Variants in TP63 observed in about 807,000 individuals in gnomAD.
TP63 encodes tumor protein p63.
TP63 carries 17 observed loss-of-function variants against 82.8 expected under a neutral mutation model. The ratio of observed to expected loss-of-function variants is 0.21; its 90% CI spans 0.14 to 0.31. TP63 has a LOEUF of 0.31. Among genes scored for constraint, TP63 ranks in the 10% least tolerant of loss-of-function variants. TP63 has a pLI of 1.00. For missense variants in TP63, 648 were observed against 895.3 expected (o/e 0.72, Z 3.52); for synonymous variants, 330 against 321.7 (o/e 1.03, Z -0.28).
chr3:189,811,005 A>C (rs1422027309), intron 4 of TP63, among the ~76,000 whole-genome samples: 1 of 152,230 alleles, frequency 6.6e-6, no homozygotes, highest in Non-Finnish European at 1.5e-5. Context: ...AAAAGAAAAT[A>C]TTCTGGTACA....
chr3:189,618,613 G>A, the TP63 span, among the ~76,000 whole-genome samples: 1 of 152,120 alleles, frequency 6.6e-6, no homozygotes, highest in Non-Finnish European at 1.5e-5. Flanking sequence ...ACAGTCCCAG[G>A]TCTATGACCA....
In TP63 at chr3:189,766,378, A is replaced by G. The variant is rs931335855; in HGVS notation, c.324+27604A>G. ...TTGCAAAAACCCAAACACAAAAGCT[A>G]CATTTACATATCTGAAAAAATAAAT... is the stretch of plus-strand genomic sequence containing the variant. On this transcript the variant is annotated intron_variant, in intron 3 of 13. Transcript: ENST00000264731. 1.6e-4 allele frequency among the ~76,000 whole-genome samples: 25 copies of G among 152,056 alleles called. 1 individual carries two copies. Among genetic ancestry groups the G allele is most frequent in the Non-Finnish European group, 5.9e-5 (4 of 68,024 alleles).
At chr3:189,851,497 C>A (rs1217856733) in intron 4 of TP63, among the ~76,000 whole-genome samples, 1 of 152,162 alleles carries the variant, frequency 6.6e-6, no homozygotes, top group Non-Finnish European at 1.5e-5. Flanking sequence ...ATCACTTGAA[C>A]CTGGGAGGCA....
chr3:189,780,684 C>G lies in TP63; in HGVS notation c.325-27588C>G, dbSNP rs553995844. On this transcript the variant is annotated intron_variant, in intron 3 of 13. Coordinates refer to ENST00000264731, the MANE Select transcript of TP63 (RefSeq NM_003722.5). The stretch of plus-strand genomic sequence containing the variant: ...TTGTTTTCAGAGACAGGTGCTTTTT[C>G]TCCCATGGCTTAGTGTCACAGAAGG... 2.0e-5 allele frequency among the ~76,000 whole-genome samples: 3 copies of G among 152,282 alleles called. No homozygotes were observed. The East Asian group carries it at 5.8e-4, about 29-fold the overall frequency.
At chr3:189,791,905 A>T (rs1725181305) in intron 3 of TP63, among the ~76,000 whole-genome samples, 1 of 152,102 alleles carries the variant, frequency 6.6e-6, no homozygotes, top group Non-Finnish European at 1.5e-5. Flanking sequence ...GTTTATTAGT[A>T]ACTGTCAATA....
At chr3:189,702,245 T>A (rs1238975997) in intron 1 of TP63, among the ~76,000 whole-genome samples, 4 of 152,204 alleles carry the variant, frequency 2.6e-5, no homozygotes, top group Non-Finnish European at 5.9e-5. Flanking sequence ...ATGTGAAACA[T>A]CAGACAGAAA....
At chr3:189,881,886 G>A (rs999666507) in intron 10 of TP63, among the ~76,000 whole-genome samples, 3 of 151,888 alleles carry the variant, frequency 2.0e-5, no homozygotes, top group East Asian at 3.9e-4. Flanking sequence ...TAAATAACAT[G>A]GCTTCTGTGG....
At chr3:189,598,241 T>TGGAGA in the TP63 span, among the ~76,000 whole-genome samples, 2 of 137,202 alleles carry the variant, frequency 1.5e-5, no homozygotes, top group Admixed American at 1.6e-4. Flanking sequence ...GGAGTAGAGA[T>TGGAGA]GGAGAGGAGA....
intron 4 of TP63, among the ~76,000 whole-genome samples, chr3:189,832,530 T>G (rs1364360151): frequency 6.6e-6 from 1 of 152,208 alleles, no homozygotes; most frequent in African/African-American, 2.4e-5. Context: ...ACTTATTCCT[T>G]CATTTTTTAA....
chr3:189,781,600 A>ATT (rs35373630), intron 3 of TP63, among the ~76,000 whole-genome samples: 92 of 149,512 alleles, frequency 6.2e-4, no homozygotes, highest in Non-Finnish European at 6.1e-4. Context: ...TTGCCTAGGG[A>ATT]TTTTTTTTTT....
rs1393075065 is a variant in TP63 at position 189,896,267 on chromosome 3, G to T, written c.*1765G>T. On this transcript the variant is annotated 3_prime_UTR_variant, in exon 14 of 14. Coordinates refer to ENST00000264731, the MANE Select transcript of TP63 (RefSeq NM_003722.5). ...GTGTGTATATATTTTGTGTGAAATT[G>T]CATACTTTGTATTTTGATTATTTTT... is the stretch of plus-strand genomic sequence containing the variant. 4.6e-6 allele frequency: 1 copy of T among 218,060 alleles called. No individual in the cohort carries two copies. The highest frequency in any genetic ancestry group is 5.8e-5 in the Admixed American group (1 of 17,212). The allele number at this position is 218,060 out of a possible 1,614,324, so 13.5% of individuals were successfully genotyped here.
chr3:189,651,591 G>C lies in TP63; in HGVS notation c.62+20014G>C, dbSNP rs1238894449. Among the ~76,000 whole-genome samples, 5 of 145,774 alleles carry C rather than the reference G, an allele frequency of 3.4e-5. No homozygotes were observed. In the East Asian group the frequency reaches 1.2e-3, roughly 35 times the overall value. ...AGCAAAGAAAAACCCATTTTGGGGGGAGAAATTCAGGCCCAAGCTGGCTGC... is the reference window on the plus strand; with the variant it reads ...AGCAAAGAAAAACCCATTTTGGGGGCAGAAATTCAGGCCCAAGCTGGCTGC... On this transcript the variant is annotated intron_variant, in intron 1 of 13. Coordinates refer to ENST00000264731, the MANE Select transcript of TP63 (RefSeq NM_003722.5).
At chr3:189,737,440 AAC>A (rs1560146363) in intron 1 of TP63, among the ~76,000 whole-genome samples, 2 of 152,286 alleles carry the variant, frequency 1.3e-5, no homozygotes, top group Admixed American at 1.3e-4. Context: ...AAATCTACAG[AAC>A]ACAGATGTCG....
At chr3:189,634,960 T>C (rs1180126550) in intron 1 of TP63, among the ~76,000 whole-genome samples, 1 of 152,106 alleles carries the variant, frequency 6.6e-6, no homozygotes, top group Non-Finnish European at 1.5e-5. Context: ...ATTTATTTTT[T>C]AACAAAGTAC....
chr3:189,880,615 T>C, intron 10 of TP63: 1 of 986,122 alleles, frequency 1.0e-6, no homozygotes, highest in Non-Finnish European at 1.2e-6. Context: ...GAGAAAAAAG[T>C]TGTTATTGTC....
At chr3:189,621,962 C>G in the TP63 span, among the ~76,000 whole-genome samples, 1 of 152,166 alleles carries the variant, frequency 6.6e-6, no homozygotes, top group Admixed American at 6.5e-5. Flanking sequence ...AAATTTACCT[C>G]GTAGAAACTT....
intron 1 of TP63, among the ~76,000 whole-genome samples, chr3:189,721,457 TG>T (rs1719385038): frequency 6.6e-6 from 1 of 151,630 alleles, no homozygotes; most frequent in African/African-American, 2.4e-5. Flanking sequence ...GAAAAATATA[TG>T]GATCTATCAG....
At chr3:189,718,212 G>A (rs1719107024) in intron 1 of TP63, among the ~76,000 whole-genome samples, 1 of 152,080 alleles carries the variant, frequency 6.6e-6, no homozygotes, top group Non-Finnish European at 1.5e-5. Flanking sequence ...TCCTGGGATA[G>A]GAGTGATCTT....
intron 1 of TP63, among the ~76,000 whole-genome samples, chr3:189,704,982 C>G (rs1718092876): frequency 6.6e-6 from 1 of 152,174 alleles, no homozygotes. Flanking sequence ...ATCACAGAAA[C>G]CTAGTGTTCC....
Sources: allele counts gnomAD v4.1 joint callset (sites outside exome capture counted in the v4.1 genomes callset), GRCh38; gene constraint gnomAD v4.1.1; transcripts MANE v1.5; gene names NCBI Gene and HGNC (gene_info 2026-07-23, HGNC 2026-07-21).